Variants in FHIT observed in about 807,000 individuals in gnomAD.
The protein encoded by FHIT is bis(5'-adenosyl)-triphosphatase.
Under a neutral mutation model 17.9 loss-of-function variants are expected in FHIT, and 19 were observed. The observed-to-expected ratio is 1.06, with a 90% CI of 0.74 to 1.56. The LOEUF (loss-of-function observed/expected upper bound fraction) is 1.56, where lower values mean the gene tolerates loss of function less well. Among genes scored for constraint, FHIT ranks in the 40% most tolerant of loss-of-function variants. FHIT has a pLI of 0.00. For synonymous variants in FHIT, 81 were observed against 69.7 expected, an observed-to-expected ratio of 1.16 and a Z score of -0.81; for missense variants, 248 against 189.2, an observed-to-expected ratio of 1.31 and a Z score of -1.82.
At chr3:60,800,934 G>C (rs1575542178) in intron 4 of FHIT, among the ~76,000 whole-genome samples, 1 of 152,292 alleles carries the variant, frequency 6.6e-6, no homozygotes, top group East Asian at 1.9e-4. Context: ...GAGTTCAGCT[G>C]TGAGACCTTA....
At chr3:60,204,454 T>TG (rs200384848) in intron 5 of FHIT, among the ~76,000 whole-genome samples, 14,505 of 77,426 alleles carry the variant, frequency 0.19, 948 homozygotes, top group Admixed American at 0.28. Flanking sequence ...GTTTTTTTTT[T>TG]TTTGTTTTGT....
At chr3:60,584,193 G>T (rs2037834466) in intron 4 of FHIT, among the ~76,000 whole-genome samples, 1 of 152,064 alleles carries the variant, frequency 6.6e-6, no homozygotes, top group South Asian at 2.1e-4. Flanking sequence ...CATTTTGTGA[G>T]CCAGTTGACA....
At chr3:61,082,357 G>A (rs925689550) in intron 2 of FHIT, among the ~76,000 whole-genome samples, 1 of 152,140 alleles carries the variant, frequency 6.6e-6, no homozygotes, top group Non-Finnish European at 1.5e-5. Flanking sequence ...ACATGCTTTT[G>A]TATCTGTCTT....
At chr3:61,035,921 T>A (rs1329211968) in intron 3 of FHIT, among the ~76,000 whole-genome samples, 1 of 152,192 alleles carries the variant, frequency 6.6e-6, no homozygotes, top group Non-Finnish European at 1.5e-5. Context: ...CAGTTTCATT[T>A]CTCTGATGTG....
In FHIT at chr3:60,192,834, C is replaced by A. The variant is rs559644416; in HGVS notation, c.104-178682G>T. 1.7e-4 allele frequency among the ~76,000 whole-genome samples: 26 copies of A among 152,252 alleles called. 1 individual carries two copies. The highest frequency in any genetic ancestry group is 1.6e-3 in the Admixed American group (25 of 15,298). ...GTTTGGTTTTGACTTTTCGTAACCA[C>A]GATCCACATTAAGAGCTTTTTCAAA... On this transcript the variant is annotated intron_variant, in intron 5 of 9. Transcript: ENST00000492590.
intron 4 of FHIT, among the ~76,000 whole-genome samples, chr3:60,723,602 G>C (rs1206333065): frequency 6.6e-6 from 1 of 152,226 alleles, no homozygotes; most frequent in Non-Finnish European, 1.5e-5. Context: ...AGAGCATCCT[G>C]TGTGACTGCA....
intron 5 of FHIT, among the ~76,000 whole-genome samples, chr3:60,301,865 A>T (rs935761293): frequency 1.3e-5 from 2 of 152,146 alleles, no homozygotes; most frequent in African/African-American, 2.4e-5. Flanking sequence ...ATAAAAATGC[A>T]CTCATACATT....
intron 4 of FHIT, among the ~76,000 whole-genome samples, chr3:60,546,682 T>G (rs1220883865): frequency 6.6e-6 from 1 of 152,168 alleles, no homozygotes; most frequent in Non-Finnish European, 1.5e-5. Flanking sequence ...TCCTCCCTTT[T>G]CCTCAAAACT....
At chr3:59,837,680 G>A (rs896907169) in intron 8 of FHIT, among the ~76,000 whole-genome samples, 4 of 152,178 alleles carry the variant, frequency 2.6e-5, no homozygotes, top group African/African-American at 9.7e-5. Context: ...TTGTCATTAT[G>A]TGGATACGTT....
At chr3:60,359,277 CTTTTTT>C (rs71089599) in intron 5 of FHIT, among the ~76,000 whole-genome samples, 1 of 109,910 alleles carries the variant, frequency 9.1e-6, no homozygotes, top group Non-Finnish European at 1.8e-5. Context: ...ATGAAAATAT[CTTTTTT>C]TTTTTTTTTT....
At chr3:60,062,404 A>G (rs911298152) in intron 5 of FHIT, among the ~76,000 whole-genome samples, 2 of 152,226 alleles carry the variant, frequency 1.3e-5, no homozygotes, top group African/African-American at 2.4e-5. Flanking sequence ...AGCACCTCCT[A>G]CATTCCAAGT....
chr3:59,929,362 G>GCTT (rs1559740305), intron 7 of FHIT, among the ~76,000 whole-genome samples: 1 of 92,036 alleles, frequency 1.1e-5, no homozygotes, highest in African/African-American at 3.4e-5. Context: ...TTGTTTTTTT[G>GCTT]GTTTTTTTTT....
chr3:60,327,348 T>G (rs1036685939), intron 5 of FHIT, among the ~76,000 whole-genome samples: 1 of 152,198 alleles, frequency 6.6e-6, no homozygotes, highest in Non-Finnish European at 1.5e-5. Context: ...TTCAGTAAAG[T>G]GTCAGAGATT....
At chr3:60,607,657 T>A (rs140322212) in intron 4 of FHIT, among the ~76,000 whole-genome samples, 1 of 152,144 alleles carries the variant, frequency 6.6e-6, no homozygotes, top group African/African-American at 2.4e-5. Context: ...TGCAAACAAT[T>A]CCAAGTCATT....
rs72874926 is a variant in FHIT at position 60,675,780 on chromosome 3, G to A, written c.-17-138801C>T. Among the ~76,000 whole-genome samples the A allele has an allele frequency of 9.9e-3, 1,512 of 152,204 alleles. 30 individuals carry two copies. Among genetic ancestry groups the A allele is most frequent in the African/African-American group, 0.035 (1,451 of 41,518 alleles). ...ATAAACTTTCTTTGTACCATTTTTA[G>A]GTTCTGTACTTTTGAATAAAGGTGC... On this transcript the variant is annotated intron_variant, in intron 4 of 9. Transcript: ENST00000492590.
intron 5 of FHIT, among the ~76,000 whole-genome samples, chr3:60,525,443 CTTTTT>C (rs903558179): frequency 1.3e-5 from 2 of 151,892 alleles, no homozygotes; most frequent in South Asian, 4.2e-4. Context: ...CTGACAACCC[CTTTTT>C]TTTAAGATTT....
At chr3:61,188,425 T>G (rs1203036389) in intron 2 of FHIT, among the ~76,000 whole-genome samples, 2 of 152,106 alleles carry the variant, frequency 1.3e-5, no homozygotes, top group Non-Finnish European at 2.9e-5. Context: ...GGCTCTGAAA[T>G]TGAGGCAATA....
At chr3:60,716,222 G>T (rs2041679225) in intron 4 of FHIT, among the ~76,000 whole-genome samples, 3 of 151,934 alleles carry the variant, frequency 2.0e-5, no homozygotes, top group African/African-American at 4.8e-5. Context: ...TCCAGCCTGG[G>T]CAACAGAGTA....
intron 3 of FHIT, among the ~76,000 whole-genome samples, chr3:60,940,895 G>A (rs556786738): frequency 2.0e-3 from 300 of 152,234 alleles, no homozygotes; most frequent in African/African-American, 6.7e-3. Flanking sequence ...TAGTGGTAGT[G>A]TCAAACTGCT....
Sources: allele counts gnomAD v4.1 joint callset (sites outside exome capture counted in the v4.1 genomes callset), GRCh38; gene constraint gnomAD v4.1.1; transcripts MANE v1.5; gene names NCBI Gene and HGNC (gene_info 2026-07-23, HGNC 2026-07-21).